Variants in ENTREP3 observed in about 807,000 individuals in gnomAD.
ENTREP3 encodes the protein protein ENTREP3.
At chr1:155,250,787 G>A in the ENTREP3 span, 13 of 1,610,040 alleles carry the variant, frequency 8.1e-6, no homozygotes, top group Non-Finnish European at 1.1e-5. The surrounding 1 kb of genome is among the most constrained non-coding windows in gnomAD (Gnocchi z 5.4). Flanking sequence ...GGTCACCAAT[G>A]GCTGACAGCA....
chr1:155,254,812 G>GGTAA, the ENTREP3 span: 1 of 1,610,114 alleles, frequency 6.2e-7, no homozygotes, highest in South Asian at 1.1e-5. This position sits in a 1 kb window ranked among gnomAD's most constrained non-coding sequence, Gnocchi z 4.4. Context: ...GGCGGAGGTG[G>GGTAA]GTAAGGCCCC....
At chr1:155,247,932 C>T in the ENTREP3 span, 1 of 1,599,362 alleles carries the variant, frequency 6.3e-7, no homozygotes, top group Non-Finnish European at 8.5e-7. Context: ...CTCGGCCAGG[C>T]CGGCCCCACA....
At chr1:155,247,856 C>T in the ENTREP3 span, 53 of 1,509,674 alleles carry the variant, frequency 3.5e-5, no homozygotes, top group South Asian at 6.7e-4. Flanking sequence ...AGCCTGCGGC[C>T]AGACAGGAGA....
the ENTREP3 span, chr1:155,250,773 G>A: frequency 3.1e-6 from 5 of 1,611,548 alleles, no homozygotes; most frequent in Admixed American, 3.3e-5. This position sits in a 1 kb window ranked among gnomAD's most constrained non-coding sequence, Gnocchi z 5.4. Context: ...AGAGCCCCCA[G>A]GGAGGTCACC....
At chr1:155,253,579 C>G in the ENTREP3 span, 1 of 1,391,018 alleles carries the variant, frequency 7.2e-7, no homozygotes, top group Admixed American at 1.8e-5. Context: ...ACACACACCC[C>G]TGCCCCCACC....
chr1:155,254,997 T>G, the ENTREP3 span: 8 of 757,324 alleles, frequency 1.1e-5, no homozygotes, highest in Non-Finnish European at 1.1e-5. This position sits in a 1 kb window ranked among gnomAD's most constrained non-coding sequence, Gnocchi z 4.4. Flanking sequence ...GCCCACCCCC[T>G]GGCTGGGTCC....
the ENTREP3 span, chr1:155,254,585 C>T: frequency 3.8e-6 from 6 of 1,569,068 alleles, no homozygotes; most frequent in Non-Finnish European, 5.2e-6. This position sits in a 1 kb window ranked among gnomAD's most constrained non-coding sequence, Gnocchi z 4.4. Flanking sequence ...AGCATGTGGA[C>T]TTGCAGCTGG....
chr1:155,253,994 A>T, the ENTREP3 span: 2 of 1,612,626 alleles, frequency 1.2e-6, no homozygotes, highest in Admixed American at 3.3e-5. Context: ...TGGAGCAGGG[A>T]GGGTGAGGCA....
chr1:155,253,095 G>A, the ENTREP3 span: 1 of 152,740 alleles, frequency 6.5e-6, no homozygotes. Flanking sequence ...GTTTAGTAGA[G>A]ATGGGGTTTC....
chr1:155,254,795 C>T, the ENTREP3 span: 4 of 1,612,576 alleles, frequency 2.5e-6, no homozygotes, highest in Non-Finnish European at 2.5e-6. The surrounding 1 kb of genome is among the most constrained non-coding windows in gnomAD (Gnocchi z 4.4). Context: ...CAGCCAGGGT[C>T]GGTGGAGGCG....
chr1:155,251,458 C>T, the ENTREP3 span: 1 of 1,448,632 alleles, frequency 6.9e-7, no homozygotes, highest in Non-Finnish European at 9.7e-7. Flanking sequence ...TTCCAGGCTA[C>T]AACCCGGCTC....
the ENTREP3 span, chr1:155,251,252 C>G: frequency 1.9e-6 from 2 of 1,059,886 alleles, no homozygotes; most frequent in Non-Finnish European, 2.7e-6. Flanking sequence ...AGATTCCAGA[C>G]CAGCCTTGTC....
At chr1:155,248,379 C>T in the ENTREP3 span, 6 of 1,613,910 alleles carry the variant, frequency 3.7e-6, no homozygotes, top group Non-Finnish European at 3.4e-6. Flanking sequence ...AATCCCCATC[C>T]CTGGGGCGCA....
At chr1:155,249,698 T>C in the ENTREP3 span, among the ~76,000 whole-genome samples, 6 of 151,766 alleles carry the variant, frequency 4.0e-5, no homozygotes, top group African/African-American at 1.5e-4. Context: ...GATAACACGG[T>C]GAAACCCCAT....
At chr1:155,254,922 C>A in the ENTREP3 span, 1 of 1,486,372 alleles carries the variant, frequency 6.7e-7, no homozygotes, top group Non-Finnish European at 9.1e-7. The surrounding 1 kb of genome is among the most constrained non-coding windows in gnomAD (Gnocchi z 4.4). Context: ...CTCCCTGGCA[C>A]TTGGGAGCAT....
the ENTREP3 span, chr1:155,247,560 C>T: frequency 1.4e-6 from 1 of 713,732 alleles, no homozygotes; most frequent in Non-Finnish European, 2.6e-6. Flanking sequence ...GCATCTCCCC[C>T]ACAGTCTAAA....
the ENTREP3 span, chr1:155,251,464 G>A: frequency 2.1e-5 from 31 of 1,500,866 alleles, no homozygotes; most frequent in African/African-American, 8.3e-5. Flanking sequence ...GCTACAACCC[G>A]GCTCCCCAGC....
the ENTREP3 span, chr1:155,250,212 A>G: frequency 7.0e-7 from 1 of 1,419,502 alleles, no homozygotes. This position sits in a 1 kb window ranked among gnomAD's most constrained non-coding sequence, Gnocchi z 5.4. Context: ...GGTGGGCATC[A>G]CTGGCCACCT....
At chr1:155,248,430 A>T in the ENTREP3 span, 4 of 1,614,048 alleles carry the variant, frequency 2.5e-6, no homozygotes, top group Non-Finnish European at 3.4e-6. Context: ...AAACAGAAGC[A>T]GCTTCTTCCT....
Sources: allele counts gnomAD v4.1 joint callset (sites outside exome capture counted in the v4.1 genomes callset), GRCh38; gene constraint gnomAD v4.1.1; non-coding constraint Gnocchi (gnomAD v3.1); transcripts MANE v1.5; gene names NCBI Gene and HGNC (gene_info 2026-07-23, HGNC 2026-07-21).